Variants in PRAMEF27 observed in about 807,000 individuals in gnomAD.
PRAMEF27 encodes PRAME family member 27.
In PRAMEF27, 5 loss-of-function variants were observed where a neutral mutation model predicts 21.0. The ratio of observed to expected loss-of-function variants is 0.24; its 90% CI spans 0.12 to 0.50. The LOEUF is 0.50. Among genes scored for constraint, PRAMEF27 ranks in the 20% least tolerant of loss-of-function variants. The pLI, the probability that PRAMEF27 is intolerant of heterozygous loss-of-function variation, is 0.98. For missense variants in PRAMEF27, 138 were observed against 541.4 expected, an observed-to-expected ratio of 0.25 and a Z score of 7.39; for synonymous variants, 61 against 211.2, an observed-to-expected ratio of 0.29 and a Z score of 6.17.
At chr1:13,051,296 GC>G (rs1245135966) in intron 3 of PRAMEF27, 1 of 113,072 alleles carries the variant, frequency 8.8e-6, no homozygotes, top group Non-Finnish European at 1.7e-5. Context: ...CCTCTTCAGT[GC>G]CCACTTCACT....
Sources: allele counts gnomAD v4.1 joint callset, GRCh38; gene constraint gnomAD v4.1.1; transcripts MANE v1.5; gene names NCBI Gene and HGNC (gene_info 2026-07-23, HGNC 2026-07-21).